The following R3HDM2 variants were observed in gnomAD, a reference collection of about 807,000 sequenced individuals.
R3HDM2 encodes the protein R3H domain containing 2.
In R3HDM2, 38 loss-of-function variants were observed where a neutral mutation model predicts 124.5. The ratio of observed to expected loss-of-function variants is 0.31; its 90% CI spans 0.24 to 0.40. The LOEUF is 0.40. R3HDM2 is among the 10% of genes least tolerant of loss of function. The probability of loss-of-function intolerance (pLI) is 1.00; values close to 1 mark genes in which losing one functional copy is unlikely to be tolerated. For missense variants in R3HDM2, 869 were observed against 1,236.9 expected (o/e 0.70, Z 4.46); for synonymous variants, 391 against 448.0 (o/e 0.87, Z 1.61).
intron 4 of R3HDM2, among the ~76,000 whole-genome samples, chr12:57,302,790 G>GT (rs2051540971): frequency 1.4e-5 from 2 of 141,032 alleles, no homozygotes; most frequent in African/African-American, 5.3e-5. Context: ...AAACTCACAA[G>GT]GAAAAAAAAA....
chr12:57,300,422 T>C (rs750769333), intron 4 of R3HDM2, among the ~76,000 whole-genome samples: 4 of 152,166 alleles, frequency 2.6e-5, no homozygotes, highest in Non-Finnish European at 4.4e-5. Context: ...CATGGACAGA[T>C]GATAGGAAAC....
chr12:57,303,838 A>G (rs761209250), intron 3 of R3HDM2, among the ~76,000 whole-genome samples: 1 of 152,092 alleles, frequency 6.6e-6, no homozygotes, highest in Non-Finnish European at 1.5e-5. Context: ...GAAGACACTG[A>G]TTTTGTTGGC....
chr12:57,329,359 C>A (rs888889264), intron 2 of R3HDM2, among the ~76,000 whole-genome samples: 1 of 152,166 alleles, frequency 6.6e-6, no homozygotes, highest in East Asian at 1.9e-4. Flanking sequence ...CTTCGTAGAT[C>A]CACAAGAATT....
At chr12:57,404,028 A>T (rs78053073) in intron 1 of R3HDM2, among the ~76,000 whole-genome samples, 4 of 151,266 alleles carry the variant, frequency 2.6e-5, no homozygotes, top group Non-Finnish European at 5.9e-5. Flanking sequence ...TACTAAAAAA[A>T]AATAATAAAA....
chr12:57,258,233 A>C, intron 20 of R3HDM2, 96 bp from the exon 21 acceptor site: 1 of 1,205,376 alleles, frequency 8.3e-7, no homozygotes, highest in Non-Finnish European at 1.1e-6. Context: ...TCAGGAAATA[A>C]GTTTCTCTTG....
At chr12:57,413,748 A>C (rs2069239684) in intron 1 of R3HDM2, among the ~76,000 whole-genome samples, 1 of 151,838 alleles carries the variant, frequency 6.6e-6, no homozygotes, top group South Asian at 2.1e-4. Context: ...AGGAAAAAAC[A>C]ACAACAACAA....
chr12:57,408,947 C>CT (rs1282490063), intron 1 of R3HDM2, among the ~76,000 whole-genome samples: 3 of 151,460 alleles, frequency 2.0e-5, no homozygotes, highest in Non-Finnish European at 2.9e-5. Flanking sequence ...TCCACGATGC[C>CT]TTTCTATATT....
chr12:57,322,085 G>A (rs980755819), intron 2 of R3HDM2, among the ~76,000 whole-genome samples: 3 of 152,128 alleles, frequency 2.0e-5, no homozygotes, highest in African/African-American at 4.8e-5. Flanking sequence ...AAAATTAGCC[G>A]AGTGTGGTGG....
intron 1 of R3HDM2, among the ~76,000 whole-genome samples, chr12:57,413,421 T>C (rs2069196567): frequency 6.9e-6 from 1 of 144,796 alleles, no homozygotes; most frequent in South Asian, 2.2e-4. Flanking sequence ...TAGTGCAACC[T>C]TCTATTTAAA....
chr12:57,260,263 C>CAAAA (rs566868060), intron 19 of R3HDM2, among the ~76,000 whole-genome samples: 642 of 31,524 alleles, frequency 0.02, 100 homozygotes, highest in African/African-American at 0.074. Context: ...GACCCTGCCT[C>CAAAA]AAAAAAAAAA....
At chr12:57,389,167 G>A (rs2066311215) in intron 2 of R3HDM2, among the ~76,000 whole-genome samples, 1 of 152,158 alleles carries the variant, frequency 6.6e-6, no homozygotes, top group South Asian at 2.1e-4. Context: ...ACGTTAGGAG[G>A]GAAGTGACTG....
At position 57,323,973 on chromosome 12, in the gene R3HDM2, A is replaced by G. The variant is rs146984701; in HGVS notation, c.-35-13510T>C. Among the ~76,000 whole-genome samples, 1,359 of 152,252 alleles carry G rather than the reference A, an allele frequency of 8.9e-3. 13 individuals carry two copies. Among genetic ancestry groups the G allele is most frequent in the Non-Finnish European group, 0.011 (746 of 68,018 alleles). ...GGGATGAAAGAGACCCTGAAAGTTC[A>G]CACTGTCTTTTCCCACCCCTTTGCG... On this transcript the variant is annotated intron_variant, in intron 2 of 23. Coordinates refer to ENST00000402412, the MANE Select transcript of R3HDM2 (RefSeq NM_001394031.1).
intron 2 of R3HDM2, among the ~76,000 whole-genome samples, chr12:57,339,385 A>C (rs1447054736): frequency 6.6e-6 from 1 of 152,172 alleles, no homozygotes; most frequent in African/African-American, 2.4e-5. Flanking sequence ...GGGGGCAAGC[A>C]TTCAACCAGT....
intron 14 of R3HDM2, among the ~76,000 whole-genome samples, chr12:57,276,810 C>T (rs60216001): frequency 0.035 from 5,348 of 152,034 alleles, 200 homozygotes; most frequent in East Asian, 0.2. Flanking sequence ...CCGCTTGAAC[C>T]CAGGAGGTGG....
chr12:57,334,267 CTTACACCAT>C (rs1438800336), intron 2 of R3HDM2, among the ~76,000 whole-genome samples: 1 of 152,152 alleles, frequency 6.6e-6, no homozygotes, highest in Non-Finnish European at 1.5e-5. Context: ...TAAAAAACAC[CTTACACCAT>C]TTTTGAAACA....
chr12:57,368,138 C>T (rs538637268), intron 2 of R3HDM2, among the ~76,000 whole-genome samples: 45 of 152,020 alleles, frequency 3.0e-4, no homozygotes, highest in Non-Finnish European at 5.4e-4. Context: ...AGGTATATTC[C>T]ACCAGGGATG....
chr12:57,322,855 G>T (rs2056668842), intron 2 of R3HDM2, among the ~76,000 whole-genome samples: 1 of 152,088 alleles, frequency 6.6e-6, no homozygotes, highest in Non-Finnish European at 1.5e-5. Flanking sequence ...GGGGTGTGGA[G>T]TGTCGGATGG....
At chr12:57,348,620 G>C (rs1474356522) in intron 2 of R3HDM2, among the ~76,000 whole-genome samples, 1 of 148,606 alleles carries the variant, frequency 6.7e-6, no homozygotes, top group Non-Finnish European at 1.5e-5. Context: ...CTTGAACCCG[G>C]GAGGCAGAGG....
chr12:57,299,486 G>A lies in R3HDM2; in HGVS notation c.295-8C>T. 1 of 1,543,692 alleles carries A rather than the reference G, an allele frequency of 6.5e-7. No homozygotes were observed. The highest frequency in any genetic ancestry group is 8.8e-7 in the Non-Finnish European group (1 of 1,140,928). The stretch of plus-strand genomic sequence containing the variant: ...GTGCAATTGAATTATATCCTTAAGG[G>A]GAAAAAGGATAATCAAAGGGGGAAA... On this transcript the variant is annotated splice_region_variant and splice_polypyrimidine_tract_variant and intron_variant, in intron 5 of 23. Transcript: ENST00000402412.
Sources: gnomAD v4.1 joint callset for allele counts (sites outside exome capture counted in the v4.1 genomes callset) on GRCh38, gnomAD v4.1.1 for gene constraint, MANE v1.5 for transcripts, NCBI Gene and HGNC (gene_info 2026-07-23, HGNC 2026-07-21) for gene names.